WAPL: variants seen among roughly 807,000 people sequenced by gnomAD.
WAPL encodes the protein wings apart-like protein homolog.
A neutral mutation model predicts 121.0 loss-of-function variants in WAPL; 5 were observed. The ratio of observed to expected loss-of-function variants is 0.04; its 90% CI spans 0.02 to 0.09. WAPL has a LOEUF of 0.09. Among genes scored for constraint, WAPL ranks in the 10% least tolerant of loss-of-function variants. The pLI is 1.00. For missense variants in WAPL, 999 were observed against 1,410.8 expected, an observed-to-expected ratio of 0.71 and a Z score of 4.68; for synonymous variants, 480 against 481.5, an observed-to-expected ratio of 1.00 and a Z score of 0.04.
chr10:86,466,309 C>CGA (rs1259551803), intron 9 of WAPL, among the ~76,000 whole-genome samples: 1 of 152,110 alleles, frequency 6.6e-6, no homozygotes, highest in Non-Finnish European at 1.5e-5. Context: ...TGGTGGCTCA[C>CGA]GCCTGTAATC....
intron 8 of WAPL, among the ~76,000 whole-genome samples, chr10:86,467,970 G>A (rs774368287): frequency 7.2e-5 from 11 of 151,958 alleles, no homozygotes; most frequent in Admixed American, 2.0e-4. Flanking sequence ...GAGCCACCAC[G>A]CCCGGCCCCT....
At chr10:86,509,909 C>T (rs1392772307) in intron 2 of WAPL, among the ~76,000 whole-genome samples, 1 of 151,728 alleles carries the variant, frequency 6.6e-6, no homozygotes, top group Admixed American at 6.6e-5. Flanking sequence ...GGACTACAGG[C>T]ACCCGCCACC....
intron 9 of WAPL, among the ~76,000 whole-genome samples, chr10:86,466,569 CA>C (rs530877678): frequency 2.0e-3 from 304 of 151,748 alleles, no homozygotes; most frequent in African/African-American, 6.8e-3. Context: ...GACGCTATCT[CA>C]AAAAACAGTA....
Position 86,459,785 on chromosome 10 carries a change from G to A in WAPL, c.2580+614C>T, listed in dbSNP as rs540243613. ...TTCACTATTGTTATCTACAAACAATGTAGTCAAGTAGAAATTCACATTAAG... is the reference window on the plus strand; with the variant it reads ...TTCACTATTGTTATCTACAAACAATATAGTCAAGTAGAAATTCACATTAAG... On this transcript the variant is annotated intron_variant, in intron 11 of 18. Transcript: ENST00000298767. 6.3e-4 allele frequency among the ~76,000 whole-genome samples: 96 copies of A among 152,296 alleles called. 2 individuals are homozygous for A. Among genetic ancestry groups the A allele is most frequent in the African/African-American group, 2.0e-3 (85 of 41,560 alleles).
At chr10:86,502,275 C>T (rs1180971924) in intron 2 of WAPL, among the ~76,000 whole-genome samples, 2 of 152,096 alleles carry the variant, frequency 1.3e-5, no homozygotes, top group East Asian at 3.8e-4. Flanking sequence ...AAGAATGAGG[C>T]AGCTCTACAT....
In WAPL at chr10:86,472,196, A is replaced by G; in HGVS notation, c.2030+12T>C. The G allele has an allele frequency of 6.5e-7, 1 of 1,546,352 alleles. No individual in the cohort carries two copies. The highest frequency in any genetic ancestry group is 8.7e-7 in the Non-Finnish European group (1 of 1,153,118). ...ATGCACATAATTGTAAAATATAAAA[A>G]TAAGATCTTACCTAAGGCAACGTGT... is the stretch of plus-strand genomic sequence containing the variant. On this transcript the variant is annotated intron_variant, in intron 7 of 18. Coordinates refer to ENST00000298767, the MANE Select transcript of WAPL (RefSeq NM_015045.5). The surrounding 1 kb of genome is among the most constrained non-coding windows in gnomAD (Gnocchi z 4.2).
At chr10:86,494,860 G>A (rs1166479550) in intron 4 of WAPL, among the ~76,000 whole-genome samples, 2 of 152,120 alleles carry the variant, frequency 1.3e-5, no homozygotes, top group Admixed American at 6.5e-5. Flanking sequence ...TACTGTAGAA[G>A]AATATCCAAA....
chr10:86,446,824 GAC>G (rs1849632852), intron 15 of WAPL, among the ~76,000 whole-genome samples: 1 of 152,104 alleles, frequency 6.6e-6, no homozygotes, highest in Admixed American at 6.5e-5. Flanking sequence ...GTATAGTACT[GAC>G]ACATAGAAAA....
chr10:86,517,336 T>G (rs1004297785), intron 2 of WAPL, among the ~76,000 whole-genome samples: 2 of 152,226 alleles, frequency 1.3e-5, no homozygotes, highest in Non-Finnish European at 2.9e-5. Context: ...AACTTATGAC[T>G]GTTCCCAAAA....
intron 2 of WAPL, among the ~76,000 whole-genome samples, chr10:86,509,669 C>A (rs770966924): frequency 2.0e-5 from 3 of 152,122 alleles, no homozygotes; most frequent in Non-Finnish European, 4.4e-5. Flanking sequence ...TCCTCCTCTA[C>A]CATCAGGGGT....
At chr10:86,493,203 C>G (rs1842083390) in intron 4 of WAPL, among the ~76,000 whole-genome samples, 2 of 152,012 alleles carry the variant, frequency 1.3e-5, no homozygotes, top group South Asian at 4.1e-4. Flanking sequence ...AAACTGAATA[C>G]AGTGATTATC....
At chr10:86,450,789 A>G (rs180922649) in intron 15 of WAPL, among the ~76,000 whole-genome samples, 1 of 152,354 alleles carries the variant, frequency 6.6e-6, no homozygotes, top group African/African-American at 2.4e-5. Flanking sequence ...CTTCAAGGCT[A>G]GTCAAAACGG....
At chr10:86,521,075 C>G (rs540350482) in intron 1 of WAPL, among the ~76,000 whole-genome samples, 4 of 152,308 alleles carry the variant, frequency 2.6e-5, no homozygotes, top group African/African-American at 9.6e-5. Context: ...CAGTGCAAGG[C>G]CCCAGTGGCG....
intron 5 of WAPL, among the ~76,000 whole-genome samples, chr10:86,473,389 T>C (rs543186752): frequency 1.3e-5 from 2 of 152,322 alleles, no homozygotes; most frequent in African/African-American, 4.8e-5. Context: ...AAATCATGTA[T>C]GATATTACCA....
At chr10:86,487,418 C>T (rs1470854243) in intron 4 of WAPL, among the ~76,000 whole-genome samples, 1 of 152,156 alleles carries the variant, frequency 6.6e-6, no homozygotes, top group African/African-American at 2.4e-5. Context: ...CAAATCCTAT[C>T]TTTCTTTTTC....
intron 16 of WAPL, among the ~76,000 whole-genome samples, chr10:86,446,037 T>C (rs527791944): frequency 2.2e-4 from 34 of 152,164 alleles, no homozygotes; most frequent in Non-Finnish European, 4.0e-4. Context: ...TTCCCGTCAC[T>C]AGCATGCCTG....
At chr10:86,511,365 C>A (rs1319137607) in intron 2 of WAPL, among the ~76,000 whole-genome samples, 1 of 152,154 alleles carries the variant, frequency 6.6e-6, no homozygotes, top group Non-Finnish European at 1.5e-5. Flanking sequence ...TTGCCCCTTG[C>A]AAAATAACTT....
At chr10:86,477,711 G>A (rs951846556) in intron 4 of WAPL, among the ~76,000 whole-genome samples, 8 of 152,276 alleles carry the variant, frequency 5.3e-5, no homozygotes, top group Non-Finnish European at 8.8e-5. Flanking sequence ...TGAGGCAGGA[G>A]AATCGCTTGA....
At chr10:86,449,640 C>T (rs1215000939) in intron 15 of WAPL, among the ~76,000 whole-genome samples, 1 of 152,146 alleles carries the variant, frequency 6.6e-6, no homozygotes, top group African/African-American at 2.4e-5. Context: ...ATGGCTTCTG[C>T]AAATGAACCC....
Sources: gnomAD v4.1 joint callset for allele counts (sites outside exome capture counted in the v4.1 genomes callset) on GRCh38, gnomAD v4.1.1 for gene constraint, Gnocchi (gnomAD v3.1) non-coding constraint, MANE v1.5 for transcripts, NCBI Gene and HGNC (gene_info 2026-07-23, HGNC 2026-07-21) for gene names.